Variants in TENM2 observed in about 807,000 individuals in gnomAD.
TENM2 encodes the protein teneurin-2.
In TENM2, 52 loss-of-function variants were observed where a neutral mutation model predicts 245.2. The ratio of observed to expected loss-of-function variants is 0.21; its 90% CI spans 0.17 to 0.27. TENM2 has a LOEUF of 0.27. TENM2 is among the 10% of genes least tolerant of loss of function. The pLI, the probability that TENM2 is intolerant of heterozygous loss-of-function variation, is 1.00. For synonymous variants in TENM2, 1,363 were observed against 1,438.9 expected (o/e 0.95, Z 1.19); for missense variants, 3,046 against 3,666.8 (o/e 0.83, Z 4.37).
In TENM2 at chr5:167,625,315, G is replaced by A. The variant is rs566070477; in HGVS notation, c.502+249842G>A. On this transcript the variant is annotated intron_variant, in intron 2 of 28. Coordinates refer to ENST00000518659, the Ensembl canonical transcript of TENM2. Reference sequence around the variant, plus strand: ...CGTGTGGCATTGTAAAATATAAGAAGACCATTCCCTGGCTACAGTCTCTCC... The same window carrying A: ...CGTGTGGCATTGTAAAATATAAGAAAACCATTCCCTGGCTACAGTCTCTCC... Among the ~76,000 whole-genome samples the A allele has an allele frequency of 2.0e-5, 3 of 152,190 alleles. No individual in the cohort carries two copies. The South Asian group carries it at 6.2e-4, about 32-fold the overall frequency.
chr5:167,085,714 C>T, the TENM2 span, among the ~76,000 whole-genome samples: 1 of 152,156 alleles, frequency 6.6e-6, no homozygotes, highest in East Asian at 1.9e-4. Context: ...GTCTAGATCA[C>T]ACAGCTCCTA....
chr5:168,219,038 C>A, intron 23 of TENM2, 39 bp downstream of exon 25: 1 of 1,578,832 alleles, frequency 6.3e-7, no homozygotes, highest in South Asian at 1.2e-5. Flanking sequence ...GAGCCCTTCC[C>A]TTGCCCTAGC....
intron 2 of TENM2, among the ~76,000 whole-genome samples, chr5:167,427,442 A>T (rs1202304312): frequency 7.2e-5 from 11 of 151,738 alleles, no homozygotes; most frequent in Non-Finnish European, 2.9e-5. Context: ...GACAAGAGTG[A>T]AACATCTCAG....
At chr5:168,044,439 C>G (rs1788446870) in intron 5 of TENM2, among the ~76,000 whole-genome samples, 1 of 152,148 alleles carries the variant, frequency 6.6e-6, no homozygotes, top group African/African-American at 2.4e-5. Flanking sequence ...ATTAAAATAT[C>G]CTTCCCTTTG....
At chr5:167,825,673 T>C (rs2074013947) in intron 2 of TENM2, among the ~76,000 whole-genome samples, 1 of 152,034 alleles carries the variant, frequency 6.6e-6, no homozygotes, top group African/African-American at 2.4e-5. Context: ...TTGCTAGGGC[T>C]CTCTTTTGAG....
chr5:168,216,982 T>A (rs1445692801), intron 22 of TENM2, 60 bp downstream of exon 24: 2 of 1,580,124 alleles, frequency 1.3e-6, no homozygotes. Context: ...CTGAGGTTCT[T>A]ACCTGTTTCC....
chr5:167,987,612 T>A (rs977258191), intron 4 of TENM2, among the ~76,000 whole-genome samples: 1 of 152,044 alleles, frequency 6.6e-6, no homozygotes, highest in Non-Finnish European at 1.5e-5. Flanking sequence ...TGAGCCACCA[T>A]GCCCAGCCAC....
chr5:168,047,669 G>A (rs1398187553), intron 6 of TENM2, 120 bp downstream of exon 8: 3 of 1,254,600 alleles, frequency 2.4e-6, no homozygotes, highest in Non-Finnish European at 2.2e-6. Context: ...AAGAAACGGG[G>A]GGAAAAATCA....
intron 2 of TENM2, among the ~76,000 whole-genome samples, chr5:167,537,305 A>G (rs976597451): frequency 4.6e-5 from 7 of 151,528 alleles, no homozygotes; most frequent in African/African-American, 1.5e-4. Flanking sequence ...TTTCATCTGC[A>G]AAGCTAAGAG....
chr5:167,986,983 T>C (rs1783295819), intron 4 of TENM2, among the ~76,000 whole-genome samples: 1 of 152,240 alleles, frequency 6.6e-6, no homozygotes, highest in Non-Finnish European at 1.5e-5. Context: ...TTCAACTTTT[T>C]GTTATGAAAA....
rs767675565 is a variant in TENM2 at position 167,782,313 on chromosome 5, CAAAAAAA to C, written c.503-93653_503-93647del. On this transcript the variant is annotated intron_variant, in intron 2 of 28. Transcript: ENST00000518659. Reference sequence around the variant, plus strand: ...GGGCAACAAGAGCAAAACTCTGTCTCAAAAAAAAAAAAAAAAAAAAAAAAAATTAAAA... The same window carrying C: ...GGGCAACAAGAGCAAAACTCTGTCTCAAAAAAAAAAAAAAAAAAATTAAAA... Among the ~76,000 whole-genome samples, 39 of 58,756 alleles carry C rather than the reference CAAAAAAA, an allele frequency of 6.6e-4. 1 individual carries two copies. The highest frequency in any genetic ancestry group is 8.7e-4 in the African/African-American group (13 of 14,890). 38.5% of individuals were successfully genotyped at this position (58,756 alleles called of 152,430 possible).
intron 2 of TENM2, among the ~76,000 whole-genome samples, chr5:167,822,784 A>AG (rs571764052): frequency 1.2e-3 from 179 of 152,318 alleles, no homozygotes; most frequent in Admixed American, 2.7e-3. Flanking sequence ...AGCTAATTGT[A>AG]GGGGGGCTAT....
At chr5:167,523,099 A>T (rs1460748244) in intron 2 of TENM2, among the ~76,000 whole-genome samples, 1 of 152,016 alleles carries the variant, frequency 6.6e-6, no homozygotes, top group Non-Finnish European at 1.5e-5. Flanking sequence ...TGCCTTTCTC[A>T]TGTAAGGATA....
chr5:167,500,486 T>TA (rs1027630368), intron 2 of TENM2, among the ~76,000 whole-genome samples: 3 of 152,018 alleles, frequency 2.0e-5, no homozygotes, highest in Non-Finnish European at 4.4e-5. Context: ...TCAAAATTTT[T>TA]AAAAAAATAA....
At chr5:167,954,315 A>G (rs1431338565) in intron 4 of TENM2, among the ~76,000 whole-genome samples, 1 of 152,182 alleles carries the variant, frequency 6.6e-6, no homozygotes, top group Admixed American at 6.5e-5. Flanking sequence ...ATCTGTCAAG[A>G]CAATTGGGGT....
chr5:167,679,825 T>C (rs80173468), intron 2 of TENM2, among the ~76,000 whole-genome samples: 2,541 of 152,266 alleles, frequency 0.017, 67 homozygotes, highest in African/African-American at 0.056. Context: ...CTTCTTGCAA[T>C]GTTCACCTGG....
chr5:168,159,964 G>C (rs1456121476), intron 12 of TENM2, among the ~76,000 whole-genome samples: 14 of 152,150 alleles, frequency 9.2e-5, no homozygotes, highest in Non-Finnish European at 1.5e-5. Flanking sequence ...TTGATGTAGC[G>C]GACGTGGGTT....
intron 3 of TENM2, among the ~76,000 whole-genome samples, chr5:167,880,084 C>T (rs1040874609): frequency 4.6e-5 from 7 of 152,090 alleles, no homozygotes; most frequent in East Asian, 1.9e-4. Context: ...CTGATCCAGG[C>T]TGGAGTGGCG....
intron 2 of TENM2, among the ~76,000 whole-genome samples, chr5:167,541,165 C>A (rs1277179962): frequency 6.6e-6 from 1 of 152,162 alleles, no homozygotes; most frequent in Non-Finnish European, 1.5e-5. Flanking sequence ...GCATCAATCC[C>A]TTCTTCTAAT....
Sources: gnomAD v4.1 joint callset for allele counts (sites outside exome capture counted in the v4.1 genomes callset) on GRCh38, gnomAD v4.1.1 for gene constraint, MANE v1.5 for transcripts, NCBI Gene and HGNC (gene_info 2026-07-23, HGNC 2026-07-21) for gene names.